C3orf49: variants seen among roughly 807,000 people sequenced by gnomAD.
C3orf49 encodes chromosome 3 open reading frame 49, also known as putative uncharacterized protein C3orf49.
A neutral mutation model predicts 13.3 loss-of-function variants in C3orf49; 27 were observed. The ratio of observed to expected loss-of-function variants is 2.02; its 90% CI spans 1.49 to 2.79. C3orf49 has a LOEUF of 2.79. Among genes scored for constraint, C3orf49 ranks in the 30% most tolerant of loss-of-function variants. C3orf49 has a pLI of 0.00. For synonymous variants in C3orf49, 87 were observed against 47.6 expected (o/e 1.83, Z -3.40); for missense variants, 242 against 134.2 (o/e 1.80, Z -3.97).
chr3:63,805,906 G>A, the C3orf49 span, among the ~76,000 whole-genome samples: 2 of 152,214 alleles, frequency 1.3e-5, no homozygotes, highest in East Asian at 3.8e-4. Context: ...ACGGAGAACT[G>A]TCTCCCAGCA....
At chr3:63,785,934 A>C in the C3orf49 span, 1 of 152,062 alleles carries the variant, frequency 6.6e-6, no homozygotes, top group Non-Finnish European at 1.5e-5. Context: ...AATACGAACC[A>C]AAGAACTGGC....
Position 63,824,690 on chromosome 3 carries a change from A to T in C3orf49, c.445+1121A>T, listed in dbSNP as rs77552995. Among the ~76,000 whole-genome samples the T allele has an allele frequency of 5.1e-3, 779 of 152,204 alleles. 5 individuals are homozygous for T. The highest frequency in any genetic ancestry group is 0.018 in the African/African-American group (741 of 41,542). ...CATCTCTACAAAAAATACAAAAAAGATTAGTCAGGCATGGTGGCATGTGCC... is the reference window on the plus strand; with the variant it reads ...CATCTCTACAAAAAATACAAAAAAGTTTAGTCAGGCATGGTGGCATGTGCC... On this transcript the variant is annotated intron_variant, in intron 2 of 6. Coordinates refer to ENST00000295896, the MANE Select transcript of C3orf49 (RefSeq NM_001355236.2).
At chr3:63,820,034 C>T (rs1250216305) in intron 1 of C3orf49, among the ~76,000 whole-genome samples, 2 of 152,206 alleles carry the variant, frequency 1.3e-5, no homozygotes, top group African/African-American at 4.8e-5. Context: ...ACTATGGACA[C>T]ATTGTTTAAT....
At chr3:63,811,872 T>A in the C3orf49 span, among the ~76,000 whole-genome samples, 1 of 150,674 alleles carries the variant, frequency 6.6e-6, no homozygotes, top group Non-Finnish European at 1.5e-5. Context: ...AAAAAAAAAA[T>A]TGATCTCCAG....
the C3orf49 span, among the ~76,000 whole-genome samples, chr3:63,800,181 A>G: frequency 6.6e-6 from 1 of 152,172 alleles, no homozygotes; most frequent in East Asian, 1.9e-4. Context: ...TTTGAATTCA[A>G]TCACACATAA....
At chr3:63,784,923 C>T in the C3orf49 span, 1 of 152,128 alleles carries the variant, frequency 6.6e-6, no homozygotes, top group African/African-American at 2.4e-5. Context: ...ATCAACCCTC[C>T]AGCATTCAGC....
the C3orf49 span, among the ~76,000 whole-genome samples, chr3:63,790,510 G>T: frequency 1.3e-5 from 2 of 152,026 alleles, no homozygotes; most frequent in Non-Finnish European, 2.9e-5. Flanking sequence ...AGAATCTTGG[G>T]GGTGTAACCT....
the C3orf49 span, chr3:63,780,096 C>T: frequency 2.0e-5 from 3 of 152,046 alleles, no homozygotes; most frequent in African/African-American, 7.3e-5. Context: ...CCCATTAACT[C>T]GTCATTTAAC....
At chr3:63,829,202 G>A (rs1701501884) in intron 3 of C3orf49, among the ~76,000 whole-genome samples, 1 of 152,098 alleles carries the variant, frequency 6.6e-6, no homozygotes, top group Admixed American at 6.5e-5. Context: ...TTATGTTTTA[G>A]GCAGTCTGTA....
At chr3:63,817,082 C>T (rs1701332819), upstream of C3orf49, among the ~76,000 whole-genome samples, 1 of 152,002 alleles carries the variant, frequency 6.6e-6, no homozygotes, top group South Asian at 2.1e-4. Context: ...CCGCTTTCTT[C>T]CACATTTTCA....
At chr3:63,834,969 A>G (rs949454533) in intron 5 of C3orf49, among the ~76,000 whole-genome samples, 1 of 152,128 alleles carries the variant, frequency 6.6e-6, no homozygotes, top group Non-Finnish European at 1.5e-5. Context: ...CTATATTACT[A>G]CAAATTAAGA....
At chr3:63,803,404 T>C in the C3orf49 span, among the ~76,000 whole-genome samples, 5 of 152,186 alleles carry the variant, frequency 3.3e-5, no homozygotes, top group Non-Finnish European at 5.9e-5. Flanking sequence ...CTTGCTCTCC[T>C]CCTTTTGCCC....
At chr3:63,797,435 A>C in the C3orf49 span, among the ~76,000 whole-genome samples, 421 of 152,272 alleles carry the variant, frequency 2.8e-3, no homozygotes, top group African/African-American at 9.6e-3. Context: ...TCCCAGAGAC[A>C]CAAGGTGTTC....
chr3:63,816,769 C>CTTTTTTTTTTTTTTTTT (rs543894356), upstream of C3orf49, among the ~76,000 whole-genome samples: 12 of 97,170 alleles, frequency 1.2e-4, no homozygotes, highest in Admixed American at 3.1e-4. Flanking sequence ...CTTTTCTTTT[C>CTTTTTTTTTTTTTTTTT]TTTTTTTTTT....
chr3:63,830,358 G>C (rs539924050), intron 3 of C3orf49, among the ~76,000 whole-genome samples: 16 of 152,312 alleles, frequency 1.1e-4, no homozygotes, highest in African/African-American at 3.8e-4. Context: ...AGTGACATTT[G>C]AGCTGGGCAA....
intron 5 of C3orf49, among the ~76,000 whole-genome samples, chr3:63,843,714 C>A (rs1701821876): frequency 6.6e-6 from 1 of 152,044 alleles, no homozygotes; most frequent in Non-Finnish European, 1.5e-5. Flanking sequence ...TCCTGGCTAA[C>A]ACAGTGAAAC....
chr3:63,791,584 C>T, the C3orf49 span, among the ~76,000 whole-genome samples: 1 of 152,092 alleles, frequency 6.6e-6, no homozygotes, highest in Non-Finnish European at 1.5e-5. Context: ...ATGCCTGGGC[C>T]CACCCCAAGA....
rs760373594 is a variant in C3orf49 at position 63,819,304 on chromosome 3, A to G, written c.-168A>G. The stretch of plus-strand genomic sequence containing the variant: ...GCCAGTCCCACAAATAATGTCTCTA[A>G]CACCTGGAAGGGAATAAGGGAAAGA... On this transcript the variant is annotated 5_prime_UTR_variant, in exon 1 of 7. Transcript: ENST00000295896. 82 of 568,288 alleles carry G rather than the reference A, an allele frequency of 1.4e-4. No individual in the cohort carries two copies. The highest frequency in any genetic ancestry group is 1.1e-4 in the Non-Finnish European group (34 of 318,030). The allele number at this position is 568,288 out of a possible 1,614,324, so 35.2% of individuals were successfully genotyped here. A position where few individuals can be genotyped will look rare whatever the true frequency, so the allele number is the denominator to read the frequency against.
the C3orf49 span, among the ~76,000 whole-genome samples, chr3:63,797,150 A>T: frequency 1.3e-3 from 202 of 152,194 alleles, 2 homozygotes; most frequent in Non-Finnish European, 2.5e-3. Context: ...TCTAATGAAA[A>T]GTCTGCTGTA....
Sources: allele counts gnomAD v4.1 joint callset (sites outside exome capture counted in the v4.1 genomes callset), GRCh38; gene constraint gnomAD v4.1.1; transcripts MANE v1.5; gene names NCBI Gene and HGNC (gene_info 2026-07-23, HGNC 2026-07-21).